The following ATP2C1 variants were observed in gnomAD, a reference collection of about 807,000 sequenced individuals.
ATP2C1 encodes the protein calcium-transporting ATPase type 2C member 1.
A neutral mutation model predicts 120.5 loss-of-function variants in ATP2C1; 31 were observed. The ratio of observed to expected loss-of-function variants is 0.26; its 90% confidence interval spans 0.19 to 0.35. The LOEUF (loss-of-function observed/expected upper bound fraction) is 0.35, where lower values mean the gene tolerates loss of function less well. Ranked by LOEUF, ATP2C1 falls within the 10% of genes least tolerant of loss-of-function variation. The probability of loss-of-function intolerance (pLI) is 1.00; values close to 1 mark genes in which losing one functional copy is unlikely to be tolerated. For synonymous variants in ATP2C1, 351 were observed against 358.7 expected (o/e 0.98, Z 0.24); for missense variants, 731 against 1,107.5 (o/e 0.66, Z 4.83).
intron 2 of ATP2C1, among the ~76,000 whole-genome samples, chr3:130,924,235 G>T (rs533361912): frequency 6.6e-6 from 1 of 151,300 alleles, no homozygotes; most frequent in Non-Finnish European, 1.5e-5. Flanking sequence ...TTGAGGTTTT[G>T]TTTCAAGATT....
intron 3 of ATP2C1, among the ~76,000 whole-genome samples, 198 bp from the exon 4 acceptor site, chr3:130,931,824 G>T (rs991977963): frequency 4.6e-5 from 7 of 152,068 alleles, no homozygotes; most frequent in African/African-American, 7.2e-5. Flanking sequence ...GCTCCCCCAT[G>T]TCCCTTTGTA....
intron 7 of ATP2C1, 48 bp downstream of exon 7, chr3:130,940,739 G>C (rs2059854682): frequency 1.4e-6 from 2 of 1,390,978 alleles, no homozygotes; most frequent in African/African-American, 2.8e-5. Context: ...AAAAATAGAA[G>C]TTGAATGTGA....
At chr3:130,937,538 T>C in intron 6 of ATP2C1, 75 bp downstream of exon 6, 8 of 1,238,078 alleles carry the variant, frequency 6.5e-6, no homozygotes, top group Non-Finnish European at 8.4e-6. Flanking sequence ...TGGTAGAACC[T>C]ACCGTTATTG....
intron 6 of ATP2C1, among the ~76,000 whole-genome samples, chr3:130,938,408 C>G (rs2059759195): frequency 6.6e-6 from 1 of 152,172 alleles, no homozygotes; most frequent in South Asian, 2.1e-4. Context: ...GAATCTGAAG[C>G]CTATACTTTG....
rs549512546 is a variant in ATP2C1, at chr3:131,009,686, T to C, written c.2630-6466T>C. On this transcript the variant is annotated intron_variant, in intron 26 of 26. Coordinates refer to the ATP2C1 transcript ENST00000328560. ...ACTTGAATTTGGTATTACTCACACC[T>C]CTGGAAAGAAATGCAGAAGCAGCTT... Among the ~76,000 whole-genome samples the C allele has an allele frequency of 4.6e-5, 7 of 152,326 alleles. No homozygotes were observed. In the East Asian group the frequency reaches 1.2e-3, roughly 25 times the overall value.
intron 2 of ATP2C1, among the ~76,000 whole-genome samples, chr3:130,911,933 T>C (rs1452317105): frequency 2.1e-5 from 3 of 140,838 alleles, no homozygotes; most frequent in African/African-American, 8.1e-5. Context: ...AACAGAGCCC[T>C]CAGAAATAAC....
chr3:130,921,651 T>C (rs1452145243), intron 2 of ATP2C1, among the ~76,000 whole-genome samples: 1 of 152,184 alleles, frequency 6.6e-6, no homozygotes, highest in East Asian at 1.9e-4. Context: ...AGAGTTTTTA[T>C]AATGAAAGGG....
chr3:130,974,395 G>A (rs893182127), intron 17 of ATP2C1, among the ~76,000 whole-genome samples: 2 of 152,164 alleles, frequency 1.3e-5, no homozygotes, highest in Non-Finnish European at 2.9e-5. Context: ...GTCACAGCAG[G>A]GGTAGAAGAA....
intron 1 of ATP2C1, among the ~76,000 whole-genome samples, chr3:130,883,943 TTC>T (rs2068872672): frequency 4.5e-5 from 4 of 88,426 alleles, no homozygotes; most frequent in African/African-American, 6.2e-5. Context: ...TTTTCTTTTC[TTC>T]TTTTTTTTTT....
Position 130,972,303 on chromosome 3 carries a change from G to T in ATP2C1, c.1413+2907G>T, listed in dbSNP as rs564557376. 8.5e-5 allele frequency among the ~76,000 whole-genome samples: 13 copies of T among 152,202 alleles called. 1 individual carries two copies. The South Asian group carries it at 2.5e-3, about 29-fold the overall frequency. ...CATGGACTGTACTGGTCCACTGCCT[G>T]GGAGTTGGGGAGCCCTGTCATAAGG... On this transcript the variant is annotated intron_variant, in intron 17 of 27. Transcript: ENST00000510168.
Position 130,871,180 on chromosome 3 carries a change from A to C in ATP2C1, c.108+20252A>C, listed in dbSNP as rs1460375709. Among the ~76,000 whole-genome samples, 3 of 152,248 alleles carry C rather than the reference A, an allele frequency of 2.0e-5. No individual in the cohort carries two copies. The East Asian group carries it at 5.8e-4, about 29-fold the overall frequency. ...AACATAAATTTTGTATGCACTGGGAAACCAAAAAATTTGTGTGACTTTCTG... is the reference window on the plus strand; with the variant it reads ...AACATAAATTTTGTATGCACTGGGACACCAAAAAATTTGTGTGACTTTCTG... On this transcript the variant is annotated intron_variant, in intron 1 of 26. Coordinates refer to the ATP2C1 transcript ENST00000504381.
At chr3:131,008,858 T>G (rs1297902364) in intron 26 of ATP2C1, among the ~76,000 whole-genome samples, 1 of 152,172 alleles carries the variant, frequency 6.6e-6, no homozygotes, top group African/African-American at 2.4e-5. Flanking sequence ...AAGGCCCCCA[T>G]GTAGAGAAAG....
chr3:130,945,397 G>A (rs1311366179), intron 8 of ATP2C1, among the ~76,000 whole-genome samples: 1 of 151,064 alleles, frequency 6.6e-6, no homozygotes, highest in Non-Finnish European at 1.5e-5. Context: ...TTTGTTTTAG[G>A]GTACATGTGC....
At chr3:130,965,448 A>G (rs1303921488) in intron 14 of ATP2C1, among the ~76,000 whole-genome samples, 2 of 151,938 alleles carry the variant, frequency 1.3e-5, no homozygotes, top group African/African-American at 4.8e-5. Context: ...AGTTTGAGGG[A>G]TCTTTTTAGA....
At chr3:131,003,359 A>G (rs218481), downstream of ATP2C1, among the ~76,000 whole-genome samples, 66,849 of 152,050 alleles carry the variant, frequency 0.44, 16,624 homozygotes, top group Middle Eastern at 0.66. Context: ...ATGGGCTAGT[A>G]TCTAAATTTT....
At chr3:130,947,102 C>G (rs776751929) in intron 8 of ATP2C1, among the ~76,000 whole-genome samples, 1 of 152,176 alleles carries the variant, frequency 6.6e-6, no homozygotes, top group African/African-American at 2.4e-5. Flanking sequence ...CACTGTGACA[C>G]AGAGTTGCCC....
intron 17 of ATP2C1, among the ~76,000 whole-genome samples, chr3:130,972,386 A>G (rs1025006203): frequency 6.6e-6 from 1 of 151,928 alleles, no homozygotes; most frequent in African/African-American, 2.4e-5. Context: ...CCTGGACTTC[A>G]TCTCATCACC....
At chr3:130,851,197 A>G (rs528351891) in intron 1 of ATP2C1, among the ~76,000 whole-genome samples, 2 of 152,344 alleles carry the variant, frequency 1.3e-5, no homozygotes, top group South Asian at 4.1e-4. Context: ...ATCAAAGTTA[A>G]ATTTTGAATT....
Position 130,954,178 on chromosome 3 carries a change from A to T in ATP2C1, c.687+202A>T, listed in dbSNP as rs553811876. Among the ~76,000 whole-genome samples the T allele has an allele frequency of 2.0e-5, 3 of 152,312 alleles. No homozygotes were observed. The East Asian group carries it at 5.8e-4, about 29-fold the overall frequency. ...TTTCCGTAGTTCTGCTATTTCCCAG[A>T]TAATGGATAATCCTCAATACCTGTT... On this transcript the variant is annotated intron_variant, in intron 9 of 27. Coordinates refer to ENST00000510168, the MANE Select transcript of ATP2C1 (RefSeq NM_001378687.1).
Sources: allele counts gnomAD v4.1 joint callset (sites outside exome capture counted in the v4.1 genomes callset), GRCh38; gene constraint gnomAD v4.1.1; transcripts MANE v1.5; gene names NCBI Gene and HGNC (gene_info 2026-07-23, HGNC 2026-07-21).